The following NEDD4L variants were observed in gnomAD, a reference collection of about 807,000 sequenced individuals.
NEDD4L encodes E3 ubiquitin-protein ligase NEDD4-like.
A neutral mutation model predicts 148.9 loss-of-function variants in NEDD4L; 54 were observed. The ratio of observed to expected loss-of-function variants is 0.36; its 90% confidence interval spans 0.29 to 0.45. The LOEUF (loss-of-function observed/expected upper bound fraction) is 0.45, where lower values mean the gene tolerates loss of function less well. NEDD4L is among the 20% of genes least tolerant of loss of function. The pLI is 1.00. For synonymous variants in NEDD4L, 433 were observed against 440.7 expected, an observed-to-expected ratio of 0.98 and a Z score of 0.22; for missense variants, 856 against 1,233.8, an observed-to-expected ratio of 0.69 and a Z score of 4.59.
intron 2 of NEDD4L, among the ~76,000 whole-genome samples, chr18:58,175,876 T>G (rs564029293): frequency 8.5e-5 from 13 of 152,194 alleles, no homozygotes; most frequent in Non-Finnish European, 1.3e-4. Context: ...TTTAAAAATA[T>G]GTCAATCCTA....
chr18:58,245,674 C>CTTTTTTTT (rs57282316), intron 3 of NEDD4L, among the ~76,000 whole-genome samples, 166 bp downstream of exon 3: 165 of 89,240 alleles, frequency 1.8e-3, no homozygotes, highest in Non-Finnish European at 2.3e-3. Context: ...CACTTTTTCT[C>CTTTTTTTT]TTTTTTTTTT....
chr18:58,149,423 A>C, intron 1 of NEDD4L: 1 of 1,516,010 alleles, frequency 6.6e-7, no homozygotes, highest in South Asian at 1.3e-5. Context: ...CGGCAGTGGA[A>C]AGTTACCCTT....
intron 1 of NEDD4L, among the ~76,000 whole-genome samples, chr18:58,116,043 T>C (rs909601042): frequency 1.3e-5 from 2 of 152,202 alleles, no homozygotes; most frequent in African/African-American, 4.8e-5. Context: ...CCCCCAAAAC[T>C]ACTGTGTCCT....
At chr18:58,125,191 G>A (rs752817426) in intron 1 of NEDD4L, among the ~76,000 whole-genome samples, 4 of 152,194 alleles carry the variant, frequency 2.6e-5, no homozygotes, top group African/African-American at 4.8e-5. Context: ...GAGGCATCGC[G>A]CCTGGCCTGT....
At chr18:58,323,433 TA>T in intron 8 of NEDD4L, 99 bp downstream of exon 8, 1 of 712,948 alleles carries the variant, frequency 1.4e-6, no homozygotes, top group Non-Finnish European at 2.4e-6. Context: ...TTAGAAAGCT[TA>T]AATATAAAAA....
chr18:58,361,668 G>A (rs761521926), intron 19 of NEDD4L, among the ~76,000 whole-genome samples: 8 of 152,106 alleles, frequency 5.3e-5, no homozygotes, highest in South Asian at 4.2e-4. Context: ...AATGTCTCCC[G>A]GCCAGTGATG....
At position 58,389,197 on chromosome 18, in the gene NEDD4L, C is replaced by G; in HGVS notation, c.2655+5C>G. 1 of 1,606,266 alleles carries G rather than the reference C, an allele frequency of 6.2e-7. No homozygotes were observed. On this transcript the variant is annotated splice_donor_5th_base_variant and intron_variant, in intron 28 of 30. Coordinates refer to ENST00000400345, the MANE Select transcript of NEDD4L (RefSeq NM_001144967.3). ...GTCATTCAGTGGTTCTGGAAGGTAA[C>G]TCCGGGGCCCAGCCCCAGCCGGTGT... is the stretch of plus-strand genomic sequence containing the variant.
At chr18:58,282,419 A>G (rs555610026) in intron 5 of NEDD4L, among the ~76,000 whole-genome samples, 1 of 152,370 alleles carries the variant, frequency 6.6e-6, no homozygotes, top group African/African-American at 2.4e-5. Context: ...ATTTAAATGA[A>G]TGCAGTAATT....
intron 2 of NEDD4L, among the ~76,000 whole-genome samples, chr18:58,233,588 TG>T (rs1205883214): frequency 6.6e-6 from 1 of 152,194 alleles, no homozygotes; most frequent in Non-Finnish European, 1.5e-5. Flanking sequence ...TGACGTTGGG[TG>T]GGAACACAGC....
At position 58,317,379 on chromosome 18, in the gene NEDD4L, G is replaced by A. The variant is rs12455904; in HGVS notation, c.348+1347G>A. 2.0e-3 allele frequency among the ~76,000 whole-genome samples: 312 copies of A among 152,324 alleles called. 2 individuals carry two copies. Among genetic ancestry groups the A allele is most frequent in the Admixed American group, 4.8e-3 (73 of 15,302 alleles). ...GGAGGTCTTCTGTGTATGTTCTTCA[G>A]ACTGAAGCTGCGATCCTCTCACACT... On this transcript the variant is annotated intron_variant, in intron 6 of 30. Transcript: ENST00000400345.
At chr18:58,114,633 G>A (rs758912602) in intron 1 of NEDD4L, among the ~76,000 whole-genome samples, 4 of 151,800 alleles carry the variant, frequency 2.6e-5, no homozygotes, top group African/African-American at 7.3e-5. Context: ...ACCGCAGAGC[G>A]GTGGCTGCAG....
In NEDD4L at chr18:58,092,855, C is replaced by CT. The variant is rs1443340293; in HGVS notation, c.48+48157dup. On this transcript the variant is annotated intron_variant, in intron 1 of 30. Coordinates refer to ENST00000400345, the MANE Select transcript of NEDD4L (RefSeq NM_001144967.3). ...AAAAATCCATGTACTCCCTCTCTCT[C>CT]TTTTTTTTTTGTTTTTTTTTTTGGA... Among the ~76,000 whole-genome samples the CT allele has an allele frequency of 4.6e-3, 639 of 139,892 alleles. 3 individuals carry two copies. Among genetic ancestry groups the CT allele is most frequent in the African/African-American group, 0.014 (517 of 37,244 alleles). 91.8% of individuals were successfully genotyped at this position (139,892 alleles called of 152,430 possible).
chr18:58,197,849 C>G (rs1321168019), intron 2 of NEDD4L: 3 of 152,278 alleles, frequency 2.0e-5, no homozygotes, highest in Non-Finnish European at 2.9e-5. Flanking sequence ...TTGAGGGTTC[C>G]TAAAATCCGA....
At chr18:58,186,389 T>C (rs2039487074) in intron 2 of NEDD4L, among the ~76,000 whole-genome samples, 1 of 152,236 alleles carries the variant, frequency 6.6e-6, no homozygotes, top group Admixed American at 6.5e-5. Context: ...TTACCCCTGA[T>C]GTGAGCAGGA....
chr18:58,050,471 A>G (rs974762541), intron 1 of NEDD4L, among the ~76,000 whole-genome samples: 2 of 150,596 alleles, frequency 1.3e-5, no homozygotes, highest in Admixed American at 6.6e-5. Context: ...CTCTGTCACA[A>G]TAATAACAGG....
At chr18:58,095,936 A>T (rs570533760) in intron 1 of NEDD4L, among the ~76,000 whole-genome samples, 7 of 148,032 alleles carry the variant, frequency 4.7e-5, no homozygotes, top group East Asian at 1.9e-4. Flanking sequence ...TTTTTTTTTT[A>T]AACTCATCAG....
At chr18:58,087,573 T>C (rs1260241168) in intron 1 of NEDD4L, among the ~76,000 whole-genome samples, 2 of 152,158 alleles carry the variant, frequency 1.3e-5, no homozygotes, top group African/African-American at 4.8e-5. Flanking sequence ...GCTTAGTGGC[T>C]GAAAACAAGG....
chr18:58,273,937 C>T (rs1292136008), intron 5 of NEDD4L, among the ~76,000 whole-genome samples: 1 of 152,200 alleles, frequency 6.6e-6, no homozygotes, highest in African/African-American at 2.4e-5. Context: ...CCCATCCACA[C>T]AGAGAGTTTA....
At chr18:58,199,419 T>C (rs900276504) in intron 2 of NEDD4L, among the ~76,000 whole-genome samples, 6 of 152,034 alleles carry the variant, frequency 3.9e-5, no homozygotes, top group Admixed American at 3.9e-4. Context: ...GCTGCTCCAC[T>C]TTCTACATTG....
Sources: gnomAD v4.1 joint callset for allele counts (sites outside exome capture counted in the v4.1 genomes callset) on GRCh38, gnomAD v4.1.1 for gene constraint, MANE v1.5 for transcripts, NCBI Gene and HGNC (gene_info 2026-07-23, HGNC 2026-07-21) for gene names.